The following CEP85 variants were observed in gnomAD, a reference collection of about 807,000 sequenced individuals.
CEP85 encodes the protein centrosomal protein 85.
Under a neutral mutation model 93.7 loss-of-function variants are expected in CEP85, and 58 were observed. The observed-to-expected ratio is 0.62, with a 90% CI of 0.50 to 0.77. CEP85 has a LOEUF of 0.77. CEP85 is among the 30% of genes least tolerant of loss of function. The probability of loss-of-function intolerance (pLI) is 0.00; values close to 1 mark genes in which losing one functional copy is unlikely to be tolerated. For missense variants in CEP85, 868 were observed against 922.0 expected (o/e 0.94, Z 0.76); for synonymous variants, 314 against 338.6 (o/e 0.93, Z 0.80).
At position 26,272,161 on chromosome 1, in the gene CEP85, A is replaced by G. The variant is rs1315089421; in HGVS notation, c.1794+90A>G. The G allele has an allele frequency of 1.5e-5, 20 of 1,312,480 alleles. No individual in the cohort carries two copies. The East Asian group carries it at 4.5e-4, about 29-fold the overall frequency. 81.3% of individuals were successfully genotyped at this position (1,312,480 alleles called of 1,614,324 possible). ...ATATTTATTTTGTTCTCTGCCATGC[A>G]GGTTGCTCAGTGTTAGGGATACAAA... On this transcript the variant is annotated intron_variant, in intron 11 of 13. Transcript: ENST00000451429.
At chr1:26,250,565 G>A (rs1166629727) in intron 3 of CEP85, among the ~76,000 whole-genome samples, 1 of 152,134 alleles carries the variant, frequency 6.6e-6, no homozygotes, top group African/African-American at 2.4e-5. Flanking sequence ...AATATAAATA[G>A]ATAAACCCAA....
intron 3 of CEP85, among the ~76,000 whole-genome samples, chr1:26,251,587 A>T (rs1378671154): frequency 6.6e-6 from 1 of 152,254 alleles, no homozygotes; most frequent in East Asian, 1.9e-4. Context: ...TGCTTTGAGA[A>T]CTAACTCACT....
chr1:26,253,618 T>C (rs1231775560), intron 3 of CEP85, among the ~76,000 whole-genome samples: 3 of 151,826 alleles, frequency 2.0e-5, no homozygotes, highest in African/African-American at 7.3e-5. Context: ...TTCGATCTCC[T>C]GACCTCATGA....
Position 26,244,337 on chromosome 1 carries a change from T to G in CEP85, c.208+19T>G, listed in dbSNP as rs2089477212. On this transcript the variant is annotated intron_variant, in intron 3 of 13. Transcript: ENST00000451429. ...GCGGAGGGTAAGTTTGTATTAATGA[T>G]TTGATTACCAATATGTGTTCTCATT... is the stretch of plus-strand genomic sequence containing the variant. The G allele has an allele frequency of 6.2e-7, 1 of 1,607,284 alleles. No homozygotes were observed. Among genetic ancestry groups the G allele is most frequent in the Non-Finnish European group, 8.5e-7 (1 of 1,174,654 alleles).
chr1:26,239,903 G>A (rs2089395692), intron 2 of CEP85, 65 bp downstream of exon 2: 1 of 1,194,640 alleles, frequency 8.4e-7, no homozygotes, highest in Non-Finnish European at 1.2e-6. Flanking sequence ...TATTCCTTAA[G>A]GTAAATATTG....
chr1:26,251,438 A>G (rs1322088554), intron 3 of CEP85, among the ~76,000 whole-genome samples: 1 of 151,744 alleles, frequency 6.6e-6, no homozygotes, highest in Non-Finnish European at 1.5e-5. Context: ...TTTAGTGGAG[A>G]CAGGGTTTCT....
At chr1:26,242,565 G>C (rs946449237) in intron 2 of CEP85, among the ~76,000 whole-genome samples, 39 of 152,102 alleles carry the variant, frequency 2.6e-4, no homozygotes, top group African/African-American at 9.4e-4. Context: ...CAAAGTAAGG[G>C]TAGCAAAAAA....
intron 1 of CEP85, among the ~76,000 whole-genome samples, chr1:26,235,564 A>ATTTT (rs1185542130): frequency 1.4e-5 from 1 of 69,550 alleles, no homozygotes; most frequent in African/African-American, 5.8e-5. Context: ...TTAGATTGTA[A>ATTTT]TTCTTTTTTT....
Position 26,258,228 on chromosome 1 carries a change from C to G in CEP85, c.1123C>G (p.Pro375Ala). ...CAGTGCCCTCTTGGGCCGCCCTGCC[C>G]CCTTTGGTGATGTCTGCTTGCTGAG... ...VHSALLGRPA[P>A]FGDVCLLRLQ... is the part of the protein sequence containing the mutation. The change falls in exon 6 of 14, where the codon CCC becomes GCC. Residue 375 changes from proline to alanine, a missense_variant. Physicochemically the swap from Pro to Ala is conservative, Grantham distance 27 (BLOSUM62 -1). Transcript: ENST00000451429. 1 of 1,613,892 alleles carries G rather than the reference C, an allele frequency of 6.2e-7. No homozygotes were observed. The highest frequency in any genetic ancestry group is 8.5e-7 in the Non-Finnish European group (1 of 1,179,834).
chr1:26,253,016 G>C (rs569533029), intron 3 of CEP85, among the ~76,000 whole-genome samples: 10 of 152,074 alleles, frequency 6.6e-5, no homozygotes, highest in African/African-American at 1.9e-4. Context: ...TTTGTGCCTG[G>C]CTTATTTCTC....
chr1:26,269,408 G>A (rs1251729500), intron 8 of CEP85, 52 bp from the exon 9 acceptor site: 2 of 1,569,130 alleles, frequency 1.3e-6, no homozygotes, highest in Non-Finnish European at 1.7e-6. Flanking sequence ...CAAGCATTTT[G>A]CATTTATAAC....
At chr1:26,251,829 A>G (rs1401742334) in intron 3 of CEP85, among the ~76,000 whole-genome samples, 1 of 152,168 alleles carries the variant, frequency 6.6e-6, no homozygotes, top group Non-Finnish European at 1.5e-5. Context: ...TCATGGTAGC[A>G]ACCCCTCATG....
chr1:26,258,170 G>C lies in CEP85; in HGVS notation c.1065G>C (p.Glu355Asp). The C allele has an allele frequency of 6.2e-7, 1 of 1,614,152 alleles. No homozygotes were observed. The highest frequency in any genetic ancestry group is 1.1e-5 in the South Asian group (1 of 91,080). Residue 355 changes from glutamate (E) to aspartate (D), a missense_variant, in exon 6 of 14, where the codon GAG (glutamate) becomes GAC (aspartate). Physicochemically the swap from Glu to Asp is conservative, Grantham distance 45 (BLOSUM62 2). Transcript: ENST00000451429. ...DKQRKHISQL[E>D]QKVRESELQV... is the part of the protein sequence containing the mutation. ...AGAGGAAACACATCTCTCAGCTGGA[G>C]CAGAAAGTGCGAGAGAGCGAACTGC...
intron 11 of CEP85, among the ~76,000 whole-genome samples, chr1:26,272,720 C>G (rs529256377): frequency 6.7e-6 from 1 of 150,136 alleles, no homozygotes; most frequent in Non-Finnish European, 1.5e-5. Context: ...CCTCTGCCTC[C>G]CAGGTTCAAG....
chr1:26,271,640 G>T (rs1312903602), intron 10 of CEP85: 8 of 223,362 alleles, frequency 3.6e-5, no homozygotes, highest in Non-Finnish European at 7.1e-5. Flanking sequence ...CCATCATAGT[G>T]CTAGAAATGG....
At position 26,255,578 on chromosome 1, in the gene CEP85, C is replaced by G; in HGVS notation, c.616C>G (p.Arg206Gly). Residue 206 changes from arginine to glycine, a missense_variant, in exon 4 of 14, where the codon CGC becomes GGC. Physicochemically the swap from Arg to Gly is moderately radical, Grantham distance 125. Transcript: ENST00000451429. Reference sequence around the variant, plus strand: ...TTATTCAGATCCTCACCACCGAGTCCGCTTCCACAACCCAAGAACCAGCAC... The same window carrying G: ...TTATTCAGATCCTCACCACCGAGTCGGCTTCCACAACCCAAGAACCAGCAC... ...TLYSDPHHRV[R>G]FHNPRTSTSK... The G allele has an allele frequency of 6.2e-7, 1 of 1,614,126 alleles. No individual in the cohort carries two copies. The highest frequency in any genetic ancestry group is 8.5e-7 in the Non-Finnish European group (1 of 1,180,016).
intron 11 of CEP85, among the ~76,000 whole-genome samples, chr1:26,273,634 C>T (rs988992733): frequency 6.6e-6 from 1 of 152,160 alleles, no homozygotes; most frequent in Admixed American, 6.5e-5. Flanking sequence ...CGGTGGCTCA[C>T]GCCTGTAATC....
chr1:26,265,862 C>T (rs1474992733), intron 7 of CEP85, among the ~76,000 whole-genome samples: 1 of 151,936 alleles, frequency 6.6e-6, no homozygotes, highest in African/African-American at 2.4e-5. Context: ...AGGAGAATTG[C>T]TTGAGCCCAG....
chr1:26,276,595 C>T lies in CEP85; in HGVS notation c.1963C>T (p.Gln655Ter), dbSNP rs748004547. The stretch of plus-strand genomic sequence containing the variant: ...TCTGACACTCCAGGAACACCTGCGC[C>T]AGGCCCAACCAGGGTCTCCACCTTC... Reference protein sequence around the residue: ...KNLTLQEHLRQAQPGSPPSPD... With the variant: ...KNLTLQEHLR The change falls in exon 13 of 14, where the codon CAG becomes TAG. Residue 655 changes from glutamine to a stop codon, truncating the protein, a stop_gained. Transcript: ENST00000451429. LOFTEE classifies it high-confidence loss of function. 1.9e-6 allele frequency: 3 copies of T among 1,614,206 alleles called. No individual in the cohort carries two copies. The highest frequency in any genetic ancestry group is 1.1e-5 in the South Asian group (1 of 91,080).
Sources: allele counts gnomAD v4.1 joint callset (sites outside exome capture counted in the v4.1 genomes callset), GRCh38; gene constraint gnomAD v4.1.1; transcripts MANE v1.5; gene names NCBI Gene and HGNC (gene_info 2026-07-23, HGNC 2026-07-21).